The following JMY variants were observed in gnomAD, a reference collection of about 807,000 sequenced individuals.
JMY encodes junction mediating and regulatory protein, p53 cofactor.
In JMY, 46 loss-of-function variants were observed where a neutral mutation model predicts 103.3. The ratio of observed to expected loss-of-function variants is 0.45; its 90% CI spans 0.35 to 0.57. JMY has a LOEUF of 0.57. Ranked by LOEUF, JMY falls within the 20% of genes least tolerant of loss-of-function variation. JMY has a pLI of 0.00. For synonymous variants in JMY, 526 were observed against 489.3 expected (o/e 1.07, Z -0.99); for missense variants, 1,238 against 1,255.2 (o/e 0.99, Z 0.21).
chr5:79,238,727 A>T (rs1744638006), intron 1 of JMY, among the ~76,000 whole-genome samples: 1 of 138,258 alleles, frequency 7.2e-6, no homozygotes, highest in Non-Finnish European at 1.5e-5. Flanking sequence ...GGCTCACTGC[A>T]GCCTCCCCCT....
At chr5:79,247,435 A>G (rs1744936567) in intron 1 of JMY, among the ~76,000 whole-genome samples, 1 of 151,854 alleles carries the variant, frequency 6.6e-6, no homozygotes, top group African/African-American at 2.4e-5. Flanking sequence ...TGTAGTCTCA[A>G]GTAGTTGGGA....
At chr5:79,238,172 A>T (rs1420937844) in intron 1 of JMY, among the ~76,000 whole-genome samples, 4 of 152,122 alleles carry the variant, frequency 2.6e-5, no homozygotes, top group African/African-American at 9.7e-5. Context: ...TTTTTAAACG[A>T]GTGACCTAAG....
chr5:79,300,441 T>TG (rs569714925), intron 5 of JMY, 123 bp downstream of exon 5: 147 of 951,618 alleles, frequency 1.5e-4, no homozygotes, highest in South Asian at 6.9e-4. Context: ...GGATAGAGTG[T>TG]GGGGGGGTGA....
intron 6 of JMY, among the ~76,000 whole-genome samples, chr5:79,302,272 T>G (rs1459821176): frequency 6.6e-6 from 1 of 152,188 alleles, no homozygotes; most frequent in African/African-American, 2.4e-5. Flanking sequence ...CTGCAAGTTT[T>G]TGAAAATGCT....
chr5:79,311,034 C>G (rs1166875483), intron 7 of JMY, among the ~76,000 whole-genome samples: 1 of 152,050 alleles, frequency 6.6e-6, no homozygotes, highest in Non-Finnish European at 1.5e-5. Context: ...ATTTCAGGCT[C>G]TAAGAGCCCT....
intron 1 of JMY, among the ~76,000 whole-genome samples, chr5:79,275,045 G>A (rs1049700594): frequency 2.6e-5 from 4 of 152,082 alleles, no homozygotes; most frequent in African/African-American, 4.8e-5. Context: ...TTCTTCTTAG[G>A]CTGTCTCCCT....
At chr5:79,292,888 T>G (rs1232261874) in intron 4 of JMY, among the ~76,000 whole-genome samples, 1 of 152,222 alleles carries the variant, frequency 6.6e-6, no homozygotes, top group Non-Finnish European at 1.5e-5. Flanking sequence ...TTGTTAAAAC[T>G]GCCAGCTGTC....
rs1264150337 is a variant in JMY at position 79,241,376 on chromosome 5, TAGA to T, written c.1032+3698_1032+3700del. Among the ~76,000 whole-genome samples the T allele has an allele frequency of 5.9e-5, 9 of 152,362 alleles. 1 individual carries two copies. In the South Asian group the frequency reaches 1.4e-3, roughly 25 times the overall value. On this transcript the variant is annotated intron_variant, in intron 1 of 10. Transcript: ENST00000396137. ...TACTATTGCAAGAATTTAAAGGACT[TAGA>T]AGATGTGTCCTTTTAATGTGAAGTT... is the stretch of plus-strand genomic sequence containing the variant.
chr5:79,298,647 A>G (rs923960431), intron 4 of JMY, among the ~76,000 whole-genome samples: 11 of 152,236 alleles, frequency 7.2e-5, no homozygotes, highest in African/African-American at 2.7e-4. Flanking sequence ...TTACACTTAG[A>G]TAATCTATTA....
intron 1 of JMY, among the ~76,000 whole-genome samples, chr5:79,251,775 A>T (rs563991403): frequency 5.8e-4 from 85 of 147,196 alleles, no homozygotes; most frequent in African/African-American, 2.1e-3. Flanking sequence ...TTTTATTTTT[A>T]TTTATTTATT....
rs1428507136 is a variant in JMY at position 79,322,266 on chromosome 5, CTT to C, written c.*665_*666del. Reference sequence around the variant, plus strand: ...TTTAACATGGCATATTTTTAGGAGTCTTATACTTTGTAAGGTTTTGAAGTTTC... The same window carrying C: ...TTTAACATGGCATATTTTTAGGAGTCATACTTTGTAAGGTTTTGAAGTTTC... On this transcript the variant is annotated 3_prime_UTR_variant, in exon 11 of 11. Coordinates refer to ENST00000396137, the MANE Select transcript of JMY (RefSeq NM_152405.5). The C allele has an allele frequency of 1.3e-5, 2 of 152,150 alleles. No homozygotes were observed. The highest frequency in any genetic ancestry group is 2.4e-5 in the African/African-American group (1 of 41,438). 9.4% of individuals were successfully genotyped at this position (152,150 alleles called of 1,614,324 possible).
At chr5:79,300,388 T>C in intron 5 of JMY, 70 bp downstream of exon 5, 9 of 1,383,906 alleles carry the variant, frequency 6.5e-6, no homozygotes, top group Non-Finnish European at 8.7e-6. Context: ...ATGGACTAGG[T>C]ATGTTTCTTT....
chr5:79,247,122 G>A (rs1259109010), intron 1 of JMY, among the ~76,000 whole-genome samples: 1 of 152,152 alleles, frequency 6.6e-6, no homozygotes, highest in East Asian at 1.9e-4. Context: ...AGAGAGTGAG[G>A]ATAAGTGATA....
At chr5:79,278,919 C>T (rs865861733) in intron 2 of JMY, among the ~76,000 whole-genome samples, 1 of 151,826 alleles carries the variant, frequency 6.6e-6, no homozygotes, top group African/African-American at 2.4e-5. Context: ...GTGTGAACCA[C>T]CATGCCCAGC....
intron 1 of JMY, among the ~76,000 whole-genome samples, chr5:79,242,290 A>C (rs969143765): frequency 3.3e-5 from 5 of 152,192 alleles, no homozygotes; most frequent in Admixed American, 6.5e-5. Context: ...TTAGTTATTT[A>C]ACCTCTTTTA....
Position 79,236,737 on chromosome 5 carries a change from C to T in JMY, c.87C>T (p.Phe29=), listed in dbSNP as rs371865145. 322 of 1,505,956 alleles carry T rather than the reference C, an allele frequency of 2.1e-4. No individual in the cohort carries two copies. The East Asian group carries it at 4.0e-3, about 19-fold the overall frequency. 93.3% of individuals were successfully genotyped at this position (1,505,956 alleles called of 1,614,324 possible). Residue 29 remains phenylalanine (F), a synonymous_variant, in exon 1 of 11, where the codon TTC becomes TTT. Transcript: ENST00000396137. The part of the protein sequence containing the change: ...HVFDEREKHK[F]VFIVAWNEIE... ...TCGACGAGCGCGAGAAACACAAATT[C>T]GTCTTTATTGTGGCCTGGAACGAGA...
At chr5:79,248,598 C>T (rs190037500) in intron 1 of JMY, among the ~76,000 whole-genome samples, 3 of 151,962 alleles carry the variant, frequency 2.0e-5, no homozygotes, top group Non-Finnish European at 4.4e-5. Flanking sequence ...CTTGAGCCAC[C>T]GCGCCGGCCT....
chr5:79,261,149 C>G (rs529369570), intron 1 of JMY, among the ~76,000 whole-genome samples: 3 of 152,176 alleles, frequency 2.0e-5, no homozygotes, highest in Non-Finnish European at 2.9e-5. Flanking sequence ...AAGATGGCTA[C>G]AAGATGAAAA....
In JMY at chr5:79,312,487, A is replaced by G; in HGVS notation, c.2053A>G (p.Thr685Ala). The change falls in exon 8 of 11, where the codon ACA becomes GCA. Residue 685 changes from threonine (T) to alanine (A), a missense_variant. Coordinates refer to ENST00000396137, the MANE Select transcript of JMY (RefSeq NM_152405.5). ...ERQRTLDRLR[T>A]FKQRYPGQVI... ...ACAGAGAACACTGGATAGACTTCGA[A>G]CATTTAAACAGGTATTAAAAGTAAT... 6.4e-7 allele frequency: 1 copy of G among 1,550,922 alleles called. No individual in the cohort carries two copies. Among genetic ancestry groups the G allele is most frequent in the Non-Finnish European group, 8.7e-7 (1 of 1,149,234 alleles).
Sources: allele counts gnomAD v4.1 joint callset (sites outside exome capture counted in the v4.1 genomes callset), GRCh38; gene constraint gnomAD v4.1.1; transcripts MANE v1.5; gene names NCBI Gene and HGNC (gene_info 2026-07-23, HGNC 2026-07-21).